Variants in ABCA5 observed in about 807,000 individuals in gnomAD.
The protein encoded by ABCA5 is ATP binding cassette subfamily A member 5, also known as cholesterol transporter ABCA5.
ABCA5 carries 163 observed loss-of-function variants against 206.0 expected under a neutral mutation model. That is an observed-to-expected ratio of 0.79 (90% CI 0.70 to 0.90). The LOEUF (loss-of-function observed/expected upper bound fraction) is 0.90, where lower values mean the gene tolerates loss of function less well. Among genes scored for constraint, ABCA5 ranks in the 40% least tolerant of loss-of-function variants. The probability of loss-of-function intolerance (pLI) is 0.00; values close to 1 mark genes in which losing one functional copy is unlikely to be tolerated. For synonymous variants in ABCA5, 609 were observed against 613.8 expected (o/e 0.99, Z 0.11); for missense variants, 1,859 against 1,912.9 (o/e 0.97, Z 0.53).
chr17:69,286,136 C>A, intron 16 of ABCA5, 85 bp downstream of exon 16: 1 of 1,547,006 alleles, frequency 6.5e-7, no homozygotes, highest in South Asian at 1.2e-5. Flanking sequence ...AAATGATGGT[C>A]AAAGCATATA....
chr17:69,306,254 C>T (rs562129271), intron 6 of ABCA5, among the ~76,000 whole-genome samples: 5 of 151,948 alleles, frequency 3.3e-5, no homozygotes, highest in Admixed American at 6.6e-5. Context: ...CTAAAACTTT[C>T]GAGGGAAAAA....
intron 12 of ABCA5, 56 bp downstream of exon 12, chr17:69,291,160 C>T (rs1455016669): frequency 1.0e-5 from 12 of 1,147,982 alleles, no homozygotes; most frequent in Non-Finnish European, 1.4e-5. Flanking sequence ...TTATTCAATA[C>T]ACATTTAAAG....
At chr17:69,251,922 AT>A in intron 34 of ABCA5, 56 bp from the exon 35 acceptor site, 1 of 1,579,882 alleles carries the variant, frequency 6.3e-7, no homozygotes, top group South Asian at 1.2e-5. Flanking sequence ...TTAAAAAAAA[AT>A]GGGTTTTTAA....
chr17:69,251,787 C>A lies in ABCA5; in HGVS notation c.4495G>T (p.Val1499Phe). 1 of 1,614,088 alleles carries A rather than the reference C, an allele frequency of 6.2e-7. No homozygotes were observed. The highest frequency in any genetic ancestry group is 1.1e-5 in the South Asian group (1 of 91,060). Residue 1499 changes from valine (V) to phenylalanine (F), a missense_variant, in exon 35 of 39, where the codon GTC becomes TTC. Val to Phe is a conservative substitution (Grantham distance 50). Coordinates refer to ENST00000392676, the MANE Select transcript of ABCA5 (RefSeq NM_172232.4). ...TTHYMEEAEA[V>F]CDRVAIMVSG... is the part of the protein sequence containing the mutation. The stretch of plus-strand genomic sequence containing the variant: ...ACCATGATAGCTACTCGATCACAGA[C>A]AGCCTCTGCCTCCTCCATATAGTGA...
At chr17:69,285,821 CA>C in intron 17 of ABCA5, 76 bp downstream of exon 17, 1 of 1,419,660 alleles carries the variant, frequency 7.0e-7, no homozygotes, top group Non-Finnish European at 9.5e-7. Flanking sequence ...GAGAAGGAAA[CA>C]AAAAGGAAAT....
chr17:69,261,778 A>C (rs759382412), intron 24 of ABCA5, 30 bp from the exon 25 acceptor site: 3 of 983,306 alleles, frequency 3.1e-6, no homozygotes, highest in Non-Finnish European at 2.9e-6. Flanking sequence ...TTCTATAAAA[A>C]TATGAATAGC....
At chr17:69,298,292 G>T (rs2075610853) in intron 9 of ABCA5, among the ~76,000 whole-genome samples, 1 of 98,792 alleles carries the variant, frequency 1.0e-5, no homozygotes, top group African/African-American at 3.2e-5. Flanking sequence ...AGGGAGGGAG[G>T]GGAAAGAGAA....
At chr17:69,270,261 A>G (rs1258106391) in intron 22 of ABCA5, among the ~76,000 whole-genome samples, 5 of 152,102 alleles carry the variant, frequency 3.3e-5, no homozygotes. Flanking sequence ...TATCTAGAGG[A>G]AAAATGGTTG....
intron 6 of ABCA5, 99 bp from the exon 7 acceptor site, chr17:69,304,909 CTTAAAA>C: frequency 7.9e-6 from 9 of 1,143,052 alleles, no homozygotes; most frequent in Non-Finnish European, 1.1e-5. Context: ...CCATTTTATT[CTTAAAA>C]TTAAGTCACT....
intron 34 of ABCA5, 119 bp downstream of exon 34, chr17:69,253,453 TG>T (rs1441669183): frequency 3.6e-6 from 2 of 559,746 alleles, no homozygotes; most frequent in Non-Finnish European, 3.1e-6. Flanking sequence ...TAATTACTAG[TG>T]TATCGTTTGA....
intron 8 of ABCA5, among the ~76,000 whole-genome samples, 159 bp from the exon 9 acceptor site, chr17:69,301,445 G>C (rs1417116732): frequency 6.6e-6 from 1 of 152,006 alleles, no homozygotes; most frequent in Non-Finnish European, 1.5e-5. Flanking sequence ...AAATTTATAA[G>C]GAAAACAATA....
In ABCA5 at chr17:69,250,537, G is replaced by C; in HGVS notation, c.4620C>G (p.Asn1540Lys). 1 of 1,604,394 alleles carries C rather than the reference G, an allele frequency of 6.2e-7. No homozygotes were observed. Among genetic ancestry groups the C allele is most frequent in the African/African-American group, 1.3e-5 (1 of 74,282 alleles). ...CTCTTTGAAGGCGGTCTACTTCTAG[G>C]TTTTCTATCCAGTCCTTCAATTTAA... ...LEIKLKDWIE[N>K]LEVDRLQREI... Residue 1540 changes from asparagine to lysine, a missense_variant, in exon 36 of 39, where the codon AAC becomes AAG. Transcript: ENST00000392676.
intron 18 of ABCA5, among the ~76,000 whole-genome samples, chr17:69,279,668 C>T (rs2075370667): frequency 6.6e-6 from 1 of 152,090 alleles, no homozygotes; most frequent in Non-Finnish European, 1.5e-5. Flanking sequence ...CAGCATGGTA[C>T]TGGTACCAAA....
intron 26 of ABCA5, 28 bp downstream of exon 26, chr17:69,261,097 A>T: frequency 6.7e-7 from 1 of 1,490,786 alleles, no homozygotes; most frequent in Non-Finnish European, 9.0e-7. Context: ...TATGTTTTTT[A>T]ACATATTAAA....
chr17:69,303,826 G>T (rs2365044), intron 7 of ABCA5, among the ~76,000 whole-genome samples: 1 of 5,452 alleles, frequency 1.8e-4, no homozygotes, highest in African/African-American at 3.1e-4. Flanking sequence ...ATATATATAT[G>T]TATATATATA....
Position 69,306,844 on chromosome 17 carries a change from T to C in ABCA5, c.669A>G (p.Ile223Met), listed in dbSNP as rs2075722583. Residue 223 changes from isoleucine to methionine, a missense_variant, in exon 6 of 39, where the codon ATA (isoleucine) becomes ATG (methionine). Coordinates refer to ENST00000392676, the MANE Select transcript of ABCA5 (RefSeq NM_172232.4). The part of the protein sequence containing the change: ...IDTFPRGVIL[I>M]YLVIAFSPFG... ...AAGGTGAAAATGCTATAACTAGGTA[T>C]ATTAAAATTACTCCTCGGGGAAAGG... is the stretch of plus-strand genomic sequence containing the variant. 6.2e-7 allele frequency: 1 copy of C among 1,604,894 alleles called. No individual in the cohort carries two copies. The highest frequency in any genetic ancestry group is 1.3e-5 in the African/African-American group (1 of 74,518).
intron 32 of ABCA5, 69 bp from the exon 33 acceptor site, chr17:69,253,938 T>C: frequency 7.7e-7 from 1 of 1,294,504 alleles, no homozygotes; most frequent in Non-Finnish European, 1.1e-6. Context: ...CTGGGTGTGA[T>C]CCCTGATGTT....
chr17:69,299,806 T>C (rs2075632338), intron 9 of ABCA5, among the ~76,000 whole-genome samples: 1 of 151,914 alleles, frequency 6.6e-6, no homozygotes, highest in African/African-American at 2.4e-5. Context: ...AAAGGACTTA[T>C]TCATGTAACC....
chr17:69,295,928 T>C (rs1301796287), intron 10 of ABCA5, among the ~76,000 whole-genome samples: 1 of 152,150 alleles, frequency 6.6e-6, no homozygotes, highest in Non-Finnish European at 1.5e-5. Flanking sequence ...TTTTCAGGGA[T>C]CAACTATAAA....
Sources: gnomAD v4.1 joint callset for allele counts (sites outside exome capture counted in the v4.1 genomes callset) on GRCh38, gnomAD v4.1.1 for gene constraint, MANE v1.5 for transcripts, NCBI Gene and HGNC (gene_info 2026-07-23, HGNC 2026-07-21) for gene names.